ATG10: variants seen among roughly 807,000 people sequenced by gnomAD.
ATG10 encodes the protein ubiquitin-like-conjugating enzyme ATG10.
Under a neutral mutation model 32.1 loss-of-function variants are expected in ATG10, and 30 were observed. The observed-to-expected ratio is 0.94, with a 90% CI of 0.70 to 1.27. ATG10 has a LOEUF of 1.27. Ranked by LOEUF, ATG10 falls within the 50% of genes most tolerant of loss-of-function variation. The probability of loss-of-function intolerance (pLI) is 0.00; values close to 1 mark genes in which losing one functional copy is unlikely to be tolerated. For missense variants in ATG10, 233 were observed against 262.3 expected (o/e 0.89, Z 0.77); for synonymous variants, 87 against 91.5 (o/e 0.95, Z 0.28).
At chr5:82,077,768 G>A (rs1015345220) in intron 3 of ATG10, among the ~76,000 whole-genome samples, 7 of 152,132 alleles carry the variant, frequency 4.6e-5, no homozygotes, top group African/African-American at 1.4e-4. Flanking sequence ...GTGGCACTTC[G>A]TTCTGATTTG....
intron 3 of ATG10, among the ~76,000 whole-genome samples, chr5:82,079,951 A>G (rs1764416130): frequency 6.6e-6 from 1 of 152,248 alleles, no homozygotes; most frequent in South Asian, 2.1e-4. Context: ...ACTGTCTTCC[A>G]CAATGGTTGA....
intron 2 of ATG10, among the ~76,000 whole-genome samples, chr5:82,034,092 A>G (rs1762837140): frequency 6.6e-6 from 1 of 151,082 alleles, no homozygotes; most frequent in East Asian, 1.9e-4. Flanking sequence ...TATATATCAT[A>G]TCATGATAGG....
chr5:82,174,846 A>G (rs530701840), intron 4 of ATG10, among the ~76,000 whole-genome samples: 3 of 152,328 alleles, frequency 2.0e-5, no homozygotes, highest in Admixed American at 6.5e-5. Context: ...CAGAACTTCA[A>G]TAGGTGCTAA....
At chr5:82,015,470 G>T (rs1458065910) in intron 2 of ATG10, among the ~76,000 whole-genome samples, 1 of 152,200 alleles carries the variant, frequency 6.6e-6, no homozygotes, top group Non-Finnish European at 1.5e-5. Context: ...ACACCTATCA[G>T]ACGTAGATTT....
chr5:82,205,637 A>G (rs977446995), intron 5 of ATG10, among the ~76,000 whole-genome samples: 9 of 152,372 alleles, frequency 5.9e-5, no homozygotes, highest in Middle Eastern at 6.8e-3. Context: ...GAAATTGGAC[A>G]TGTGAAATCT....
At chr5:82,078,677 A>G (rs1053913129) in intron 3 of ATG10, 2 of 152,188 alleles carry the variant, frequency 1.3e-5, no homozygotes, top group African/African-American at 2.4e-5. Context: ...GGAGCCTGTG[A>G]ATGGCCACTG....
intron 3 of ATG10, among the ~76,000 whole-genome samples, chr5:82,075,693 T>C (rs1265683640): frequency 6.6e-6 from 1 of 152,178 alleles, no homozygotes; most frequent in Non-Finnish European, 1.5e-5. Flanking sequence ...CCCAGCACTT[T>C]GGCAGGCTGA....
intron 3 of ATG10, among the ~76,000 whole-genome samples, chr5:82,060,906 A>C (rs1016148628): frequency 6.6e-6 from 1 of 152,192 alleles, no homozygotes; most frequent in Non-Finnish European, 1.5e-5. Flanking sequence ...TGTGGTATAA[A>C]CAATAGAATC....
intron 2 of ATG10, chr5:82,010,057 C>T (rs1762087160): frequency 3.1e-6 from 5 of 1,610,760 alleles, no homozygotes; most frequent in Admixed American, 1.7e-5. Context: ...GGCTCGCCAT[C>T]GACGGCAATG....
At chr5:82,096,131 C>T (rs1765050967) in intron 3 of ATG10, among the ~76,000 whole-genome samples, 1 of 152,150 alleles carries the variant, frequency 6.6e-6, no homozygotes, top group African/African-American at 2.4e-5. Context: ...CACATGGATA[C>T]CGTTTTATAG....
intron 5 of ATG10, among the ~76,000 whole-genome samples, chr5:82,215,891 C>T (rs1214987925): frequency 2.0e-5 from 3 of 151,632 alleles, no homozygotes; most frequent in African/African-American, 7.3e-5. Flanking sequence ...GCTGAGATCG[C>T]CCCACTGCAC....
intron 1 of ATG10, among the ~76,000 whole-genome samples, chr5:81,982,398 G>A (rs1825198): frequency 0.63 from 95,977 of 152,056 alleles, 32,333 homozygotes; most frequent in East Asian, 0.98. Context: ...CTCGGGAGGT[G>A]GAGGTTGTAG....
intron 2 of ATG10, among the ~76,000 whole-genome samples, chr5:82,012,748 G>A (rs994274683): frequency 1.3e-5 from 2 of 151,878 alleles, no homozygotes; most frequent in Non-Finnish European, 2.9e-5. Context: ...CTCCACCTCC[G>A]AGGTTAAAGT....
At chr5:81,985,472 C>T (rs903292645) in intron 1 of ATG10, among the ~76,000 whole-genome samples, 2 of 152,158 alleles carry the variant, frequency 1.3e-5, no homozygotes, top group African/African-American at 4.8e-5. Flanking sequence ...CCTCAAAATG[C>T]CTGCTAGACC....
chr5:82,072,520 C>T (rs963067071), intron 3 of ATG10, among the ~76,000 whole-genome samples: 2 of 152,094 alleles, frequency 1.3e-5, no homozygotes, highest in African/African-American at 4.8e-5. Context: ...TTATAAAGAA[C>T]AATGAAATTT....
chr5:82,001,884 G>C (rs926308411), intron 2 of ATG10, among the ~76,000 whole-genome samples: 3 of 152,120 alleles, frequency 2.0e-5, no homozygotes, highest in African/African-American at 7.2e-5. Context: ...TGCAAACTAT[G>C]CATCTGACAA....
chr5:82,197,596 A>G (rs1744909314), intron 5 of ATG10, among the ~76,000 whole-genome samples: 1 of 151,876 alleles, frequency 6.6e-6, no homozygotes, highest in Non-Finnish European at 1.5e-5. Context: ...CATGAATCCT[A>G]TTTACATTAC....
chr5:82,225,388 A>C (rs989431532), intron 5 of ATG10, among the ~76,000 whole-genome samples: 15 of 152,200 alleles, frequency 9.9e-5, no homozygotes, highest in Non-Finnish European at 2.2e-4. Context: ...CAGTAGAGAA[A>C]ATGAACCTCC....
chr5:82,139,397 G>A (rs926156101), intron 3 of ATG10, among the ~76,000 whole-genome samples: 10 of 148,118 alleles, frequency 6.8e-5, no homozygotes, highest in Non-Finnish European at 1.5e-4. Flanking sequence ...AGGAAGTGAG[G>A]AGCGCCTCTT....
Sources: gnomAD v4.1 joint callset for allele counts (sites outside exome capture counted in the v4.1 genomes callset) on GRCh38, gnomAD v4.1.1 for gene constraint, MANE v1.5 for transcripts, NCBI Gene and HGNC (gene_info 2026-07-23, HGNC 2026-07-21) for gene names.